Variants in DGCR8 observed in about 807,000 individuals in gnomAD.
DGCR8 encodes the protein DGCR8 microprocessor complex subunit, also known as microprocessor complex subunit DGCR8.
A neutral mutation model predicts 78.5 loss-of-function variants in DGCR8; 14 were observed. The observed-to-expected ratio is 0.18, with a 90% CI of 0.12 to 0.28. The LOEUF (loss-of-function observed/expected upper bound fraction) is 0.28. DGCR8 is among the 10% of genes least tolerant of loss of function. DGCR8 has a pLI of 1.00. For synonymous variants in DGCR8, 399 were observed against 402.4 expected, an observed-to-expected ratio of 0.99 and a Z score of 0.10; for missense variants, 702 against 1,022.5, an observed-to-expected ratio of 0.69 and a Z score of 4.28.
chr22:20,097,535 C>G (rs758381640), intron 9 of DGCR8, among the ~76,000 whole-genome samples: 2 of 152,038 alleles, frequency 1.3e-5, no homozygotes, highest in Non-Finnish European at 2.9e-5. Context: ...GCTGTCATTC[C>G]TGATTTCAGT....
At position 20,086,279 on chromosome 22, in the gene DGCR8, C is replaced by G; in HGVS notation, c.316C>G (p.Arg106Gly). The G allele has an allele frequency of 6.2e-7, 1 of 1,614,132 alleles. No individual in the cohort carries two copies. The highest frequency in any genetic ancestry group is 1.3e-5 in the African/African-American group (1 of 75,046). The change falls in exon 2 of 14, where the codon CGG becomes GGG. Residue 106 changes from arginine (R) to glycine (G), a missense_variant. This residue lies in a region of DGCR8 where 356 missense variants were observed against 448.9 expected (regional missense o/e 0.79). Coordinates refer to ENST00000351989, the MANE Select transcript of DGCR8 (RefSeq NM_022720.7). This position sits in a 1 kb window ranked among gnomAD's most constrained non-coding sequence, Gnocchi z 6.4. ...CACCGCCCGGCACGCACCTGCGGTC[C>G]GGAAGTTCTCCCCTGACCTTAAGTT... ...PRTARHAPAV[R>G]KFSPDLKLLK...
Position 20,091,611 on chromosome 22 carries a change from C to A in DGCR8, c.1483C>A (p.Gln495Lys). ...ANQKLITLSV[Q>K]DAPTKKEFVI... ...TCAGAAGCTCATTACTTTATCAGTG[C>A]AAGATGCACCCACAAAGAAAGGTAT... The change falls in exon 6 of 14, where the codon CAA becomes AAA. Residue 495 changes from glutamine to lysine, a missense_variant. By Grantham distance (53) the Gln-to-Lys change is moderately conservative (BLOSUM62 1). Coordinates refer to ENST00000351989, the MANE Select transcript of DGCR8 (RefSeq NM_022720.7). 4 of 1,614,182 alleles carry A rather than the reference C, an allele frequency of 2.5e-6. No individual in the cohort carries two copies. The highest frequency in any genetic ancestry group is 3.4e-6 in the Non-Finnish European group (4 of 1,180,042).
rs1235881126 is a variant in DGCR8 at position 20,086,994 on chromosome 22, G to A, written c.721-168G>A. The A allele has an allele frequency of 1.1e-6, 1 of 925,742 alleles. No individual in the cohort carries two copies. Among genetic ancestry groups the A allele is most frequent in the Non-Finnish European group, 1.6e-6 (1 of 621,252 alleles). The allele number at this position is 925,742 out of a possible 1,614,324, so 57.3% of individuals were successfully genotyped here. A position where few individuals can be genotyped will look rare whatever the true frequency, so the allele number is the denominator to read the frequency against. ...TGGACCAGGTGTGTTGGTGTCAGCTGGTAGCTTCATCCTGTTTGTTTTTCA... is the reference window on the plus strand; with the variant it reads ...TGGACCAGGTGTGTTGGTGTCAGCTAGTAGCTTCATCCTGTTTGTTTTTCA... On this transcript the variant is annotated intron_variant, in intron 2 of 13. Transcript: ENST00000351989. This position sits in a 1 kb window ranked among gnomAD's most constrained non-coding sequence, Gnocchi z 6.4.
intron 13 of DGCR8, chr22:20,109,248 A>T: frequency 2.6e-6 from 1 of 391,786 alleles, no homozygotes; most frequent in Non-Finnish European, 4.9e-6. Flanking sequence ...CATGAAGGTC[A>T]CAGTCTTGGT....
chr22:20,101,992 G>A, intron 9 of DGCR8: 4 of 985,372 alleles, frequency 4.1e-6, no homozygotes, highest in Non-Finnish European at 4.8e-6. Flanking sequence ...TTTTCACAAA[G>A]CTTGTGGTGA....
At position 20,110,457 on chromosome 22, in the gene DGCR8, A is replaced by G. The variant is rs1057170853; in HGVS notation, c.*349A>G. Reference sequence around the variant, plus strand: ...TCATGAATTTTAGTATGTAATACGCACTGACGACACATGATGCTTGGATGA... The same window carrying G: ...TCATGAATTTTAGTATGTAATACGCGCTGACGACACATGATGCTTGGATGA... On this transcript the variant is annotated 3_prime_UTR_variant, in exon 14 of 14. Transcript: ENST00000351989. 1.3e-5 allele frequency: 3 copies of G among 224,568 alleles called. No homozygotes were observed. The South Asian group carries it at 2.7e-4, about 21-fold the overall frequency. The allele number at this position is 224,568 out of a possible 1,614,324, so 13.9% of individuals were successfully genotyped here. A position where few individuals can be genotyped will look rare whatever the true frequency, so the allele number is the denominator to read the frequency against.
Position 20,111,430 on chromosome 22 carries a change from T to A in DGCR8, c.*1322T>A. On this transcript the variant is annotated 3_prime_UTR_variant, in exon 14 of 14. Coordinates refer to ENST00000351989, the MANE Select transcript of DGCR8 (RefSeq NM_022720.7). ...GGGCCGCCCACAACATATCCTTCCC[T>A]CACTACCTGTGTGACCAAGGTTGGC... The A allele has an allele frequency of 2.5e-6, 1 of 394,682 alleles. No individual in the cohort carries two copies. The highest frequency in any genetic ancestry group is 4.5e-6 in the Non-Finnish European group (1 of 224,650). The allele number at this position is 394,682 out of a possible 1,614,324, so 24.4% of individuals were successfully genotyped here.
In DGCR8 at chr22:20,110,146, C is replaced by A; in HGVS notation, c.*38C>A. 6.3e-7 allele frequency: 1 copy of A among 1,590,824 alleles called. No individual in the cohort carries two copies. Among genetic ancestry groups the A allele is most frequent in the Non-Finnish European group, 8.5e-7 (1 of 1,170,944 alleles). On this transcript the variant is annotated 3_prime_UTR_variant, in exon 14 of 14. Coordinates refer to ENST00000351989, the MANE Select transcript of DGCR8 (RefSeq NM_022720.7). ...GGGCCAGGGCGCGGGGGCCGCCAGCCGCACTTCTGAGGAGACCAGCAGTCA... is the reference window on the plus strand; with the variant it reads ...GGGCCAGGGCGCGGGGGCCGCCAGCAGCACTTCTGAGGAGACCAGCAGTCA...
Position 20,085,851 on chromosome 22 carries a change from C to T in DGCR8, c.-113C>T. ...CCAGCTTGACTAAGCCGCCAGCGCACAGCGCGGCAGGACGCGCCCGGGTCT... is the reference window on the plus strand; with the variant it reads ...CCAGCTTGACTAAGCCGCCAGCGCATAGCGCGGCAGGACGCGCCCGGGTCT... On this transcript the variant is annotated 5_prime_UTR_variant, in exon 2 of 14. Coordinates refer to ENST00000351989, the MANE Select transcript of DGCR8 (RefSeq NM_022720.7). This position sits in a 1 kb window ranked among gnomAD's most constrained non-coding sequence, Gnocchi z 6.2. 1 of 1,491,942 alleles carries T rather than the reference C, an allele frequency of 6.7e-7. No individual in the cohort carries two copies. Among genetic ancestry groups the T allele is most frequent in the Non-Finnish European group, 8.9e-7 (1 of 1,128,236 alleles). 92.4% of individuals were successfully genotyped at this position (1,491,942 alleles called of 1,614,324 possible).
chr22:20,091,767 A>T, intron 6 of DGCR8, 102 bp from the exon 7 acceptor site: 1 of 1,494,860 alleles, frequency 6.7e-7, no homozygotes, highest in Non-Finnish European at 9.3e-7. Context: ...GGTCTGCCAC[A>T]TTCACGGTCG....
intron 10 of DGCR8, 118 bp downstream of exon 10, chr22:20,106,395 A>T: frequency 1.1e-6 from 1 of 941,622 alleles, no homozygotes. Flanking sequence ...CCCTGGGTAC[A>T]CAGCAGCCCC....
intron 9 of DGCR8, 122 bp downstream of exon 9, chr22:20,094,917 C>A: frequency 4.1e-6 from 3 of 738,070 alleles, no homozygotes; most frequent in South Asian, 1.8e-5. Flanking sequence ...GTAGGTTAGT[C>A]TCATCCAGCC....
In DGCR8 at chr22:20,086,770, A is replaced by G; in HGVS notation, c.720+87A>G. On this transcript the variant is annotated intron_variant, in intron 2 of 13. Transcript: ENST00000351989. The surrounding 1 kb of genome is among the most constrained non-coding windows in gnomAD (Gnocchi z 6.4). ...TGCAGCATCTTTTGAAAGCAGGGAA[A>G]TTAAAAAAAAAAAAAACAAAAACCA... is the stretch of plus-strand genomic sequence containing the variant. The G allele has an allele frequency of 7.2e-7, 1 of 1,383,502 alleles. No individual in the cohort carries two copies. Among genetic ancestry groups the G allele is most frequent in the Admixed American group, 2.3e-5 (1 of 42,558 alleles). The allele number at this position is 1,383,502 out of a possible 1,614,324, so 85.7% of individuals were successfully genotyped here.
At chr22:20,101,419 A>C (rs573992462) in intron 9 of DGCR8, 2 of 692,908 alleles carry the variant, frequency 2.9e-6, no homozygotes, top group African/African-American at 3.9e-5. Flanking sequence ...TACTAAAAAC[A>C]TACAAAAAAT....
chr22:20,108,798 C>T, intron 12 of DGCR8, 92 bp from the exon 13 acceptor site: 1 of 836,850 alleles, frequency 1.2e-6, no homozygotes, highest in Non-Finnish European at 2.1e-6. Context: ...GGCGCGCCTG[C>T]CTTCAGGGTC....
intron 9 of DGCR8, among the ~76,000 whole-genome samples, chr22:20,097,344 A>G (rs371228977): frequency 1.3e-5 from 2 of 152,182 alleles, no homozygotes; most frequent in East Asian, 1.9e-4. Context: ...TGCTAATTCA[A>G]TCTTACATGT....
chr22:20,109,270 G>C, intron 13 of DGCR8: 2 of 380,134 alleles, frequency 5.3e-6, no homozygotes, highest in Non-Finnish European at 5.1e-6. Context: ...GGCCACCTGA[G>C]TCCCATGTCC....
At chr22:20,081,354 T>C (rs1307427224) in intron 1 of DGCR8, among the ~76,000 whole-genome samples, 1 of 152,208 alleles carries the variant, frequency 6.6e-6, no homozygotes, top group African/African-American at 2.4e-5. Context: ...GTACGGGTTT[T>C]CTCCCCGTGC....
chr22:20,109,868 T>G (rs1339890014), intron 13 of DGCR8, among the ~76,000 whole-genome samples, 157 bp from the exon 14 acceptor site: 7 of 152,224 alleles, frequency 4.6e-5, no homozygotes, highest in Non-Finnish European at 8.8e-5. Flanking sequence ...GCCCCAGGCC[T>G]TCCCTGCTCC....
Sources: allele counts gnomAD v4.1 joint callset (sites outside exome capture counted in the v4.1 genomes callset), GRCh38; gene constraint gnomAD v4.1.1; regional missense constraint gnomAD v4.1.1; non-coding constraint Gnocchi (gnomAD v3.1); transcripts MANE v1.5; gene names NCBI Gene and HGNC (gene_info 2026-07-23, HGNC 2026-07-21).